Variants in NCALD observed in about 807,000 individuals in gnomAD.
The protein encoded by NCALD is neurocalcin-delta.
A neutral mutation model predicts 18.6 loss-of-function variants in NCALD; 10 were observed. The ratio of observed to expected loss-of-function variants is 0.54; its 90% CI spans 0.33 to 0.91. The LOEUF is 0.91. NCALD is among the 40% of genes least tolerant of loss of function. The pLI, the probability that NCALD is intolerant of heterozygous loss-of-function variation, is 0.03. For synonymous variants in NCALD, 88 were observed against 87.4 expected, an observed-to-expected ratio of 1.01 and a Z score of -0.04; for missense variants, 184 against 247.6, an observed-to-expected ratio of 0.74 and a Z score of 1.72.
chr8:101,985,362 T>C (rs1200294767), intron 2 of NCALD, among the ~76,000 whole-genome samples: 1 of 152,052 alleles, frequency 6.6e-6, no homozygotes, highest in Admixed American at 6.5e-5. Context: ...CCAGCTCAGA[T>C]TAGAGATTTG....
chr8:101,877,427 C>T (rs1181260151), intron 4 of NCALD, among the ~76,000 whole-genome samples: 2 of 152,108 alleles, frequency 1.3e-5, no homozygotes, highest in Admixed American at 6.5e-5. Flanking sequence ...TTCCTAGTTA[C>T]CCAGCATTCC....
chr8:101,807,037 C>G (rs930423012), intron 4 of NCALD, among the ~76,000 whole-genome samples: 8 of 152,078 alleles, frequency 5.3e-5, no homozygotes, highest in Middle Eastern at 3.4e-3. Context: ...AGCTGTCAAC[C>G]AAGAAGCCTA....
chr8:101,904,322 A>C (rs1253505690), intron 3 of NCALD, among the ~76,000 whole-genome samples: 2 of 152,006 alleles, frequency 1.3e-5, no homozygotes, highest in Non-Finnish European at 2.9e-5. Context: ...TCCCTCCTTT[A>C]TATCATGCAC....
intron 2 of NCALD, among the ~76,000 whole-genome samples, chr8:102,001,186 C>T (rs1247882044): frequency 1.3e-5 from 2 of 152,104 alleles, no homozygotes; most frequent in African/African-American, 4.8e-5. Context: ...CTTAAAGGAC[C>T]TGATGGAGCT....
intron 2 of NCALD, among the ~76,000 whole-genome samples, chr8:101,704,208 C>T (rs543895315): frequency 6.6e-6 from 1 of 152,128 alleles, no homozygotes; most frequent in Non-Finnish European, 1.5e-5. Flanking sequence ...TAAAAATATC[C>T]AGCACTCAAC....
chr8:101,804,175 CATT>C (rs1473023512), intron 4 of NCALD, among the ~76,000 whole-genome samples: 3 of 150,610 alleles, frequency 2.0e-5, no homozygotes, highest in Admixed American at 6.6e-5. Context: ...TGTGAAAATG[CATT>C]ATTAGCATTT....
intron 4 of NCALD, chr8:101,847,257 G>A: frequency 4.5e-6 from 1 of 224,304 alleles, no homozygotes; most frequent in South Asian, 7.2e-5. Flanking sequence ...CCCAAGTCAG[G>A]TCAGACAGGT....
intron 4 of NCALD, among the ~76,000 whole-genome samples, chr8:101,879,429 C>T (rs968076753): frequency 2.0e-5 from 3 of 152,088 alleles, no homozygotes; most frequent in African/African-American, 4.8e-5. Flanking sequence ...CCAGTGGCTT[C>T]GTGGTCTCGC....
In NCALD at chr8:101,895,589, T is replaced by C. The variant is rs868383725; in HGVS notation, c.-106-8362A>G. Among the ~76,000 whole-genome samples the C allele has an allele frequency of 7.8e-3, 1,169 of 149,044 alleles. 7 individuals are homozygous for C. Among genetic ancestry groups the C allele is most frequent in the South Asian group, 0.028 (135 of 4,780 alleles). ...AAGTCAAATTGTCCCTGTTTGCAGA[T>C]GACATGATTGTATATCTAGAAAACC... On this transcript the variant is annotated intron_variant, in intron 3 of 6. Coordinates refer to the NCALD transcript ENST00000311028.
At chr8:101,994,067 T>C (rs1465224832) in intron 2 of NCALD, among the ~76,000 whole-genome samples, 2 of 152,152 alleles carry the variant, frequency 1.3e-5, no homozygotes, top group South Asian at 2.1e-4. Flanking sequence ...GCAATTGCCA[T>C]AAGAATATCT....
intron 2 of NCALD, among the ~76,000 whole-genome samples, chr8:101,961,613 A>C (rs1056045247): frequency 2.6e-5 from 4 of 152,136 alleles, no homozygotes; most frequent in South Asian, 2.1e-4. Context: ...TTTATTTTTT[A>C]TTGACAGGGT....
intron 3 of NCALD, among the ~76,000 whole-genome samples, chr8:101,899,779 A>G (rs1036108916): frequency 3.9e-5 from 6 of 151,906 alleles, no homozygotes; most frequent in African/African-American, 1.4e-4. Flanking sequence ...CTATTTATCA[A>G]TATTTTTAGG....
At chr8:102,069,830 T>G (rs1201984654) in intron 1 of NCALD, among the ~76,000 whole-genome samples, 1 of 152,212 alleles carries the variant, frequency 6.6e-6, no homozygotes, top group Non-Finnish European at 1.5e-5. Context: ...GTAATTGTAA[T>G]TAGGCCTGGT....
intron 2 of NCALD, among the ~76,000 whole-genome samples, chr8:101,952,999 G>T (rs1373945853): frequency 1.3e-5 from 2 of 151,870 alleles, no homozygotes; most frequent in Non-Finnish European, 1.5e-5. Context: ...ATCCCCACGG[G>T]TTTTGAGGAG....
intron 1 of NCALD, among the ~76,000 whole-genome samples, chr8:102,038,354 G>C (rs923636904): frequency 3.9e-5 from 6 of 152,282 alleles, no homozygotes; most frequent in African/African-American, 1.2e-4. Context: ...TTCTCTCAAA[G>C]AACAATCCCT....
At chr8:101,757,156 C>G (rs10955275) in intron 1 of NCALD, among the ~76,000 whole-genome samples, 103,249 of 152,120 alleles carry the variant, frequency 0.68, 36,070 homozygotes, top group East Asian at 0.77. Flanking sequence ...GTTTACCCAC[C>G]ATGGCCTTCA....
chr8:101,835,583 G>A (rs1814378323), intron 4 of NCALD, among the ~76,000 whole-genome samples: 1 of 152,226 alleles, frequency 6.6e-6, no homozygotes, highest in Admixed American at 6.5e-5. Context: ...AACAAACAGG[G>A]AGAGAGCCCT....
Position 101,837,012 on chromosome 8 carries a change from C to A in NCALD, c.-20+50129G>T, listed in dbSNP as rs533841522. On this transcript the variant is annotated intron_variant, in intron 4 of 6. Transcript: ENST00000311028. The stretch of plus-strand genomic sequence containing the variant: ...ATAATAAATTTGATTTTTAATGTAA[C>A]CTCTGACAGTTGTTCTTAAGCCCAG... 6.6e-5 allele frequency among the ~76,000 whole-genome samples: 10 copies of A among 152,208 alleles called. No homozygotes were observed. In the South Asian group the frequency reaches 1.7e-3, roughly 25 times the overall value.
intron 1 of NCALD, among the ~76,000 whole-genome samples, chr8:102,091,480 A>G (rs191331268): frequency 2.6e-4 from 40 of 152,346 alleles, no homozygotes; most frequent in African/African-American, 5.5e-4. Context: ...TGGGTAATGT[A>G]AAAATCTGAA....
Sources: gnomAD v4.1 joint callset for allele counts (sites outside exome capture counted in the v4.1 genomes callset) on GRCh38, gnomAD v4.1.1 for gene constraint, MANE v1.5 for transcripts, NCBI Gene and HGNC (gene_info 2026-07-23, HGNC 2026-07-21) for gene names.